Variants in RHCE observed in about 807,000 individuals in gnomAD.
RHCE encodes blood group Rh(CE) polypeptide.
In RHCE, 22 loss-of-function variants were observed where a neutral mutation model predicts 43.8. That is an observed-to-expected ratio of 0.50 (90% CI 0.36 to 0.72). The LOEUF is 0.72. Ranked by LOEUF, RHCE falls within the 30% of genes least tolerant of loss-of-function variation. RHCE has a pLI of 0.00. For missense variants in RHCE, 385 were observed against 525.4 expected (o/e 0.73, Z 2.61); for synonymous variants, 156 against 210.7 (o/e 0.74, Z 2.25).
chr1:25,398,756 T>G, intron 3 of RHCE: 1 of 1,595,686 alleles, frequency 6.3e-7, no homozygotes, highest in East Asian at 2.2e-5. Flanking sequence ...CCGTTTGCGG[T>G]GCCCAAGGAG....
At chr1:25,384,826 C>T (rs543753591) in intron 7 of RHCE, among the ~76,000 whole-genome samples, 9 of 152,120 alleles carry the variant, frequency 5.9e-5, no homozygotes, top group Non-Finnish European at 1.3e-4. Context: ...AATCTCATTT[C>T]TTAGAGTCTG....
At chr1:25,407,961 C>T (rs1646965879) in intron 2 of RHCE, among the ~76,000 whole-genome samples, 1 of 123,592 alleles carries the variant, frequency 8.1e-6, no homozygotes, top group African/African-American at 2.5e-5. Flanking sequence ...TGTCTAGTAG[C>T]TTTAGGGGGC....
chr1:25,386,276 C>T (rs367884242), intron 6 of RHCE, among the ~76,000 whole-genome samples: 33 of 152,326 alleles, frequency 2.2e-4, no homozygotes, highest in African/African-American at 7.0e-4. Flanking sequence ...CAACCAAGAA[C>T]GCCTCCAGAC....
Position 25,391,917 on chromosome 1 carries a change from A to AT in RHCE, c.634+76dup, listed in dbSNP as rs1262294336. On this transcript the variant is annotated intron_variant, in intron 4 of 9. Coordinates refer to ENST00000294413, the MANE Select transcript of RHCE (RefSeq NM_020485.8). Reference sequence around the variant, plus strand: ...CAGGGGAAGTTGGTAAAGGAGGGAGATTTTTTCAGCCAGAGCCTTTTCTGA... The same window carrying AT: ...CAGGGGAAGTTGGTAAAGGAGGGAGATTTTTTTCAGCCAGAGCCTTTTCTGA... 407 of 1,607,124 alleles carry AT rather than the reference A, an allele frequency of 2.5e-4. 2 individuals carry two copies. The highest frequency in any genetic ancestry group is 3.3e-5 in the Admixed American group (2 of 59,956).
At chr1:25,414,440 G>C (rs571147031) in intron 1 of RHCE, among the ~76,000 whole-genome samples, 2 of 152,162 alleles carry the variant, frequency 1.3e-5, no homozygotes, top group Admixed American at 6.5e-5. Context: ...AGCCTCAGGA[G>C]GCCGCCACCT....
At chr1:25,395,411 C>A (rs600358) in intron 3 of RHCE, among the ~76,000 whole-genome samples, 8 of 152,312 alleles carry the variant, frequency 5.3e-5, no homozygotes, top group East Asian at 3.9e-4. Flanking sequence ...CAGAGAGAAT[C>A]AGAGCCAAAA....
chr1:25,373,046 C>A, intron 8 of RHCE, among the ~76,000 whole-genome samples: 1 of 151,564 alleles, frequency 6.6e-6, no homozygotes, highest in Non-Finnish European at 1.5e-5. Flanking sequence ...AGCTATTCTC[C>A]CACCTCAGCT....
chr1:25,429,659 C>G (rs532109473), intron 1 of RHCE, among the ~76,000 whole-genome samples: 36 of 152,236 alleles, frequency 2.4e-4, no homozygotes, highest in Admixed American at 2.4e-3. Flanking sequence ...GACCACTATT[C>G]TATTTAATAG....
chr1:25,412,714 TTAAAAAAA>T (rs1242198425), intron 1 of RHCE, among the ~76,000 whole-genome samples: 4 of 100,420 alleles, frequency 4.0e-5, no homozygotes, highest in African/African-American at 1.5e-4. Flanking sequence ...GACCCTTTTT[TTAAAAAAA>T]AAAAAAAAAA....
At chr1:25,411,223 T>A in intron 1 of RHCE, 1 of 1,340,844 alleles carries the variant, frequency 7.5e-7, no homozygotes, top group Non-Finnish European at 1.0e-6. Context: ...ACCTGAGAGG[T>A]TTCTGGGACA....
chr1:25,375,796 T>C (rs1362047125), intron 7 of RHCE, among the ~76,000 whole-genome samples: 1 of 140,162 alleles, frequency 7.1e-6, no homozygotes, highest in East Asian at 2.0e-4. Flanking sequence ...TCTCTCTTTT[T>C]TTTTTTTTTT....
chr1:25,407,973 G>A lies in RHCE; in HGVS notation c.335+710C>T, dbSNP rs2124498148. ...TCTTGTCTAGTAGCTTTAGGGGGCTGAAAGTCCTTTCTTTTCAAGAGAATG... is the reference window on the plus strand; with the variant it reads ...TCTTGTCTAGTAGCTTTAGGGGGCTAAAAGTCCTTTCTTTTCAAGAGAATG... On this transcript the variant is annotated intron_variant, in intron 2 of 9. Transcript: ENST00000294413. Among the ~76,000 whole-genome samples, 2 of 123,932 alleles carry A rather than the reference G, an allele frequency of 1.6e-5. 1 individual carries two copies. Among genetic ancestry groups the A allele is most frequent in the East Asian group, 8.2e-4 (2 of 2,452 alleles). 81.3% of individuals were successfully genotyped at this position (123,932 alleles called of 152,430 possible).
intron 8 of RHCE, among the ~76,000 whole-genome samples, chr1:25,374,295 GCCAGGCTGGTCTTGAAT>G (rs1246751628): frequency 6.6e-6 from 1 of 151,834 alleles, no homozygotes; most frequent in Non-Finnish European, 1.5e-5. Flanking sequence ...CACCATGTTG[GCCAGGCTGGTCTTGAAT>G]CCTGACCTCA....
chr1:25,423,609 A>T (rs780401912), upstream of RHCE, among the ~76,000 whole-genome samples: 2 of 152,174 alleles, frequency 1.3e-5, no homozygotes, highest in Non-Finnish European at 2.9e-5. Flanking sequence ...CTCCCGACAG[A>T]TTTCTCGAAA....
chr1:25,381,509 T>C (rs985685681), intron 7 of RHCE, among the ~76,000 whole-genome samples: 1 of 149,694 alleles, frequency 6.7e-6, no homozygotes. Context: ...CAAGCTGGAG[T>C]GCAATAGCAC....
chr1:25,389,579 G>A (rs1193352521), intron 5 of RHCE, among the ~76,000 whole-genome samples: 3 of 152,154 alleles, frequency 2.0e-5, no homozygotes, highest in Non-Finnish European at 4.4e-5. Context: ...TGGCCTAGAA[G>A]AATGGGGTTT....
At chr1:25,423,152 C>T (rs1224876017), upstream of RHCE, among the ~76,000 whole-genome samples, 12 of 152,304 alleles carry the variant, frequency 7.9e-5, no homozygotes, top group East Asian at 2.1e-3. Flanking sequence ...CCCCAGAGGT[C>T]AGAAGTCTCC....
At chr1:25,429,909 A>G (rs1387964346) in intron 1 of RHCE, 1 of 152,170 alleles carries the variant, frequency 6.6e-6, no homozygotes, top group Non-Finnish European at 1.5e-5. Flanking sequence ...GGGAGTTATA[A>G]GGAGTAAATG....
intron 8 of RHCE, among the ~76,000 whole-genome samples, chr1:25,371,984 G>A (rs112346889): frequency 4.6e-5 from 7 of 151,392 alleles, no homozygotes; most frequent in South Asian, 2.1e-4. Flanking sequence ...GATCTCTGGC[G>A]CCTGCATGAA....
Sources: gnomAD v4.1 joint callset for allele counts (sites outside exome capture counted in the v4.1 genomes callset) on GRCh38, gnomAD v4.1.1 for gene constraint, MANE v1.5 for transcripts, NCBI Gene and HGNC (gene_info 2026-07-23, HGNC 2026-07-21) for gene names.